Variants in TUSC3 observed in about 807,000 individuals in gnomAD.
The protein encoded by TUSC3 is dolichyl-diphosphooligosaccharide--protein glycosyltransferase subunit TUSC3.
Under a neutral mutation model 44.8 loss-of-function variants are expected in TUSC3, and 45 were observed. The observed-to-expected ratio is 1.00, with a 90% CI of 0.79 to 1.29. TUSC3 has a LOEUF of 1.29. Ranked by LOEUF, TUSC3 falls within the 50% of genes most tolerant of loss-of-function variation. The probability of loss-of-function intolerance (pLI) is 0.00; values close to 1 mark genes in which losing one functional copy is unlikely to be tolerated. For missense variants in TUSC3, 519 were observed against 437.9 expected, an observed-to-expected ratio of 1.19 and a Z score of -1.65; for synonymous variants, 212 against 152.9, an observed-to-expected ratio of 1.39 and a Z score of -2.85.
intron 7 of TUSC3, among the ~76,000 whole-genome samples, chr8:15,741,629 G>T (rs185892358): frequency 3.3e-5 from 5 of 151,960 alleles, no homozygotes; most frequent in Non-Finnish European, 7.4e-5. Context: ...AGAGGTTGCA[G>T]TGAATCAAGA....
At chr8:15,536,171 G>A (rs1393163438), upstream of TUSC3, among the ~76,000 whole-genome samples, 1 of 152,130 alleles carries the variant, frequency 6.6e-6, no homozygotes, top group Non-Finnish European at 1.5e-5. Flanking sequence ...GACAGAGTCT[G>A]CACGGCATAT....
intron 1 of TUSC3, among the ~76,000 whole-genome samples, chr8:15,434,876 T>TA (rs1310984784): frequency 6.6e-6 from 1 of 152,078 alleles, no homozygotes; most frequent in Non-Finnish European, 1.5e-5. Flanking sequence ...CATCATTTTT[T>TA]ATGGCTGCAT....
At chr8:15,438,453 T>C (rs1799979631) in intron 1 of TUSC3, among the ~76,000 whole-genome samples, 1 of 152,146 alleles carries the variant, frequency 6.6e-6, no homozygotes, top group African/African-American at 2.4e-5. Context: ...GTGCCTGGTA[T>C]AGTCCTGGAA....
At chr8:15,776,793 T>G in the TUSC3 span, among the ~76,000 whole-genome samples, 4 of 152,170 alleles carry the variant, frequency 2.6e-5, no homozygotes, top group African/African-American at 4.8e-5. Context: ...TACTGTCATT[T>G]TCATTGGTGT....
intron 1 of TUSC3, among the ~76,000 whole-genome samples, chr8:15,449,134 G>C (rs1347703311): frequency 6.6e-6 from 1 of 152,156 alleles, no homozygotes; most frequent in Non-Finnish European, 1.5e-5. Flanking sequence ...GGGAAGTGAA[G>C]CCTCTGGCCA....
chr8:15,801,911 T>G, the TUSC3 span, among the ~76,000 whole-genome samples: 1 of 152,226 alleles, frequency 6.6e-6, no homozygotes, highest in South Asian at 2.1e-4. Context: ...TCAGAAATCC[T>G]GGTGAAAAGG....
At chr8:15,597,983 C>G (rs890440821) in intron 1 of TUSC3, among the ~76,000 whole-genome samples, 1 of 152,018 alleles carries the variant, frequency 6.6e-6, no homozygotes, top group Admixed American at 6.6e-5. Flanking sequence ...AACACTTATT[C>G]TGTGTCCTAG....
rs968773848 is a variant in TUSC3 at position 15,553,973 on chromosome 8, G to T, written c.138+13405G>T. Reference sequence around the variant, plus strand: ...TCAGACTGCCATAACCATCAGATGGGCAGCATATACACCATACAAATTTTT... The same window carrying T: ...TCAGACTGCCATAACCATCAGATGGTCAGCATATACACCATACAAATTTTT... On this transcript the variant is annotated intron_variant, in intron 1 of 10. Transcript: ENST00000503731. 2.0e-5 allele frequency among the ~76,000 whole-genome samples: 3 copies of T among 151,656 alleles called. 1 individual carries two copies. The highest frequency in any genetic ancestry group is 4.4e-5 in the Non-Finnish European group (3 of 67,870).
At chr8:15,848,767 A>T in the TUSC3 span, among the ~76,000 whole-genome samples, 5 of 152,176 alleles carry the variant, frequency 3.3e-5, no homozygotes, top group Non-Finnish European at 5.9e-5. Context: ...CCTTGGTTTG[A>T]GTTGGTTTCT....
intron 2 of TUSC3, among the ~76,000 whole-genome samples, chr8:15,518,327 A>T (rs1392547605): frequency 6.6e-6 from 1 of 152,162 alleles, no homozygotes; most frequent in East Asian, 1.9e-4. Context: ...ATCTCAAATT[A>T]TACATGTTAC....
At chr8:15,628,138 CT>C (rs1174505411) in intron 2 of TUSC3, among the ~76,000 whole-genome samples, 2 of 152,038 alleles carry the variant, frequency 1.3e-5, no homozygotes, top group Non-Finnish European at 2.9e-5. Flanking sequence ...TTAAGAAAAT[CT>C]TTTTTTGTTC....
chr8:15,834,011 T>G, the TUSC3 span, among the ~76,000 whole-genome samples: 2 of 152,066 alleles, frequency 1.3e-5, no homozygotes, highest in Non-Finnish European at 2.9e-5. Flanking sequence ...CACATTCTTT[T>G]CAGTTCAATT....
chr8:15,431,190 T>C lies in TUSC3; in HGVS notation n.91+13885T>C, dbSNP rs191260010. Among the ~76,000 whole-genome samples the C allele has an allele frequency of 2.7e-3, 409 of 151,838 alleles. 16 individuals carry two copies. Among genetic ancestry groups the C allele is most frequent in the African/African-American group, 9.4e-3 (387 of 41,158 alleles). On this transcript the variant is annotated intron_variant and non_coding_transcript_variant, in intron 1 of 5. Transcript: ENST00000503191. Reference sequence around the variant, plus strand: ...GGTCTATTGTGGTTCCCTATGAATTTTGGAATTGTTTTTTCTATTTCTTTT... The same window carrying C: ...GGTCTATTGTGGTTCCCTATGAATTCTGGAATTGTTTTTTCTATTTCTTTT...
the TUSC3 span, among the ~76,000 whole-genome samples, chr8:15,789,510 C>G: frequency 3.7e-3 from 563 of 152,106 alleles, 3 homozygotes; most frequent in African/African-American, 0.013. Flanking sequence ...TAATTAAGGC[C>G]ATTAGCATAA....
At chr8:15,832,259 C>A in the TUSC3 span, among the ~76,000 whole-genome samples, 2 of 152,108 alleles carry the variant, frequency 1.3e-5, no homozygotes, top group African/African-American at 2.4e-5. Context: ...AATTCATTCC[C>A]ACAAGACCCA....
chr8:15,435,060 A>G (rs926250410), intron 1 of TUSC3, among the ~76,000 whole-genome samples: 1 of 148,508 alleles, frequency 6.7e-6, no homozygotes, highest in Non-Finnish European at 1.5e-5. Context: ...CAGTAATGGG[A>G]TGGCTGGGTC....
intron 10 of TUSC3, among the ~76,000 whole-genome samples, chr8:15,759,214 T>G (rs1469047819): frequency 6.6e-6 from 1 of 152,132 alleles, no homozygotes; most frequent in African/African-American, 2.4e-5. Context: ...CGTTTGCACC[T>G]TTTTTGGATA....
intron 2 of TUSC3, among the ~76,000 whole-genome samples, chr8:15,498,588 C>T (rs1305391799): frequency 6.6e-6 from 1 of 152,152 alleles, no homozygotes; most frequent in Non-Finnish European, 1.5e-5. Context: ...ATTAATTGCA[C>T]AAGTGCAGAT....
intron 2 of TUSC3, among the ~76,000 whole-genome samples, chr8:15,631,191 T>C (rs1424843646): frequency 6.6e-6 from 1 of 152,198 alleles, no homozygotes. Context: ...ACCAGTTTGG[T>C]ATAAATGATG....
Sources: gnomAD v4.1 joint callset for allele counts (sites outside exome capture counted in the v4.1 genomes callset) on GRCh38, gnomAD v4.1.1 for gene constraint, MANE v1.5 for transcripts, NCBI Gene and HGNC (gene_info 2026-07-23, HGNC 2026-07-21) for gene names.